PCSK5: variants seen among roughly 807,000 people sequenced by gnomAD.
The protein encoded by PCSK5 is prohormone convertase 5.
PCSK5 carries 129 observed loss-of-function variants against 233.2 expected under a neutral mutation model. That is an observed-to-expected ratio of 0.55 (90% confidence interval 0.48 to 0.64). The LOEUF (loss-of-function observed/expected upper bound fraction) is 0.64. Among genes scored for constraint, PCSK5 ranks in the 30% least tolerant of loss-of-function variants. The pLI is 0.00. For missense variants in PCSK5, 2,076 were observed against 2,430.1 expected (o/e 0.85, Z 3.06); for synonymous variants, 825 against 879.2 (o/e 0.94, Z 1.09).
chr9:75,935,098 C>T (rs1006366948), intron 2 of PCSK5, among the ~76,000 whole-genome samples: 12 of 151,874 alleles, frequency 7.9e-5, no homozygotes, highest in African/African-American at 2.7e-4. Flanking sequence ...GACAGAGTTT[C>T]GCTCTGTCAC....
At chr9:76,332,360 C>A in intron 33 of PCSK5, 73 bp from the exon 34 acceptor site, 1 of 1,144,266 alleles carries the variant, frequency 8.7e-7, no homozygotes. Flanking sequence ...CGCCATGGTA[C>A]ACAAGAGGGA....
intron 3 of PCSK5, among the ~76,000 whole-genome samples, chr9:76,015,102 G>A (rs1457815191): frequency 6.6e-6 from 1 of 152,196 alleles, no homozygotes; most frequent in East Asian, 1.9e-4. Flanking sequence ...CCAGAAGGCT[G>A]GAGAACCAGG....
chr9:76,001,468 C>CTTTTTTTTTTTTTTTTTTTTT (rs34379742), intron 3 of PCSK5, among the ~76,000 whole-genome samples: 1 of 87,136 alleles, frequency 1.1e-5, no homozygotes, highest in Admixed American at 1.5e-4. Flanking sequence ...ACCATCATAG[C>CTTTTTTTTTTTTTTTTTTTTT]TTTTTTTTTT....
chr9:76,356,756 T>C (rs1039454869), intron 37 of PCSK5, among the ~76,000 whole-genome samples: 1 of 152,198 alleles, frequency 6.6e-6, no homozygotes, highest in African/African-American at 2.4e-5. Context: ...TCATGATGTA[T>C]CAGATCTAAT....
intron 14 of PCSK5, among the ~76,000 whole-genome samples, chr9:76,176,945 C>T (rs1412772551): frequency 2.0e-5 from 3 of 152,162 alleles, no homozygotes; most frequent in African/African-American, 7.2e-5. Flanking sequence ...GCATTCAATC[C>T]TTCTAAGATA....
intron 9 of PCSK5, among the ~76,000 whole-genome samples, chr9:76,108,047 T>A (rs1832049547): frequency 6.6e-6 from 1 of 152,254 alleles, no homozygotes; most frequent in Admixed American, 6.5e-5. Flanking sequence ...ACACTAGAAT[T>A]CATTTTTTGG....
At chr9:76,272,045 T>G (rs1427082381) in intron 24 of PCSK5, among the ~76,000 whole-genome samples, 1 of 152,202 alleles carries the variant, frequency 6.6e-6, no homozygotes, top group Non-Finnish European at 1.5e-5. Flanking sequence ...GCCAAGTACA[T>G]AGAGTATTTG....
At chr9:76,118,709 TTTAAA>T (rs1450638673) in intron 9 of PCSK5, among the ~76,000 whole-genome samples, 6 of 152,088 alleles carry the variant, frequency 3.9e-5, no homozygotes, top group Admixed American at 2.6e-4. Flanking sequence ...TTAATATAAA[TTTAAA>T]TTATATTATC....
At chr9:75,993,087 C>T (rs1379880867) in intron 3 of PCSK5, among the ~76,000 whole-genome samples, 2 of 151,834 alleles carry the variant, frequency 1.3e-5, no homozygotes, top group South Asian at 2.1e-4. Flanking sequence ...TGTCATTTGA[C>T]TCATAAAATC....
Position 76,343,333 on chromosome 9 carries a change from T to TTGTGTGTG in PCSK5, c.4966+4922_4966+4929dup, listed in dbSNP as rs57513234. Among the ~76,000 whole-genome samples the TTGTGTGTG allele has an allele frequency of 8.9e-3, 1,195 of 133,790 alleles. 12 individuals are homozygous for TTGTGTGTG. The highest frequency in any genetic ancestry group is 0.027 in the African/African-American group (909 of 34,106). The allele number at this position is 133,790 out of a possible 152,430, so 87.8% of individuals were successfully genotyped here. A position where few individuals can be genotyped will look rare whatever the true frequency, so the allele number is the denominator to read the frequency against. ...GCACACACCACCGCACCTGGGTAAT[T>TTGTGTGTG]TGTGTGTGTGTGTGTGTGTGTGTGT... On this transcript the variant is annotated intron_variant, in intron 35 of 37. Transcript: ENST00000674117.
chr9:76,104,632 G>A (rs1421019125), intron 8 of PCSK5, among the ~76,000 whole-genome samples: 1 of 152,220 alleles, frequency 6.6e-6, no homozygotes, highest in East Asian at 1.9e-4. Flanking sequence ...GTTCACATTT[G>A]AGGTTGGCTG....
At chr9:76,205,078 A>C in intron 20 of PCSK5, 1 of 518,248 alleles carries the variant, frequency 1.9e-6, no homozygotes, top group Non-Finnish European at 3.9e-6. Flanking sequence ...TTGTCTTTCC[A>C]CACTCTCACC....
intron 24 of PCSK5, among the ~76,000 whole-genome samples, chr9:76,276,875 C>T (rs996694773): frequency 1.2e-4 from 18 of 152,276 alleles, no homozygotes; most frequent in South Asian, 6.2e-4. Flanking sequence ...ATGAAGCTTG[C>T]GTTTTACTGT....
chr9:76,062,841 A>G (rs926865972), intron 5 of PCSK5, among the ~76,000 whole-genome samples: 2 of 152,186 alleles, frequency 1.3e-5, no homozygotes, highest in Admixed American at 6.5e-5. Flanking sequence ...GAAATATACA[A>G]TAAGCTATTA....
chr9:76,345,456 T>C (rs902346286), intron 35 of PCSK5, among the ~76,000 whole-genome samples: 2 of 152,188 alleles, frequency 1.3e-5, no homozygotes, highest in African/African-American at 4.8e-5. Flanking sequence ...TCTCACTCTG[T>C]CGCCCAGGCT....
At position 76,323,296 on chromosome 9, in the gene PCSK5, C is replaced by G; in HGVS notation, c.4339+8C>G. On this transcript the variant is annotated splice_region_variant and intron_variant, in intron 32 of 37. Coordinates refer to ENST00000674117, the MANE Select transcript of PCSK5 (RefSeq NM_001372043.1). The stretch of plus-strand genomic sequence containing the variant: ...AGACTAAGGAGTGCAGAGGTAAAGA[C>G]TTCTGGGATTCAAAATAGGCTCCGG... 6.5e-7 allele frequency: 1 copy of G among 1,531,306 alleles called. No individual in the cohort carries two copies. The highest frequency in any genetic ancestry group is 9.0e-7 in the Non-Finnish European group (1 of 1,107,616). 94.9% of individuals were successfully genotyped at this position (1,531,306 alleles called of 1,614,324 possible). A position where few individuals can be genotyped will look rare whatever the true frequency, so the allele number is the denominator to read the frequency against.
At chr9:76,068,429 A>G (rs1830364314) in intron 6 of PCSK5, among the ~76,000 whole-genome samples, 1 of 152,118 alleles carries the variant, frequency 6.6e-6, no homozygotes, top group Non-Finnish European at 1.5e-5. Context: ...ATTCTCTCAA[A>G]GTGGAAAATC....
intron 27 of PCSK5, among the ~76,000 whole-genome samples, chr9:76,298,372 G>T (rs1221685046): frequency 6.6e-6 from 1 of 152,176 alleles, no homozygotes; most frequent in Non-Finnish European, 1.5e-5. Flanking sequence ...ACTAATAGGG[G>T]ATTGGGGACA....
chr9:76,173,167 C>T (rs893345667), intron 13 of PCSK5, among the ~76,000 whole-genome samples: 2 of 152,290 alleles, frequency 1.3e-5, no homozygotes, highest in Non-Finnish European at 2.9e-5. Context: ...TTGTTTTGAA[C>T]AGTGAATGAA....
Sources: allele counts gnomAD v4.1 joint callset (sites outside exome capture counted in the v4.1 genomes callset), GRCh38; gene constraint gnomAD v4.1.1; transcripts MANE v1.5; gene names NCBI Gene and HGNC (gene_info 2026-07-23, HGNC 2026-07-21).